WDR7: variants seen among roughly 807,000 people sequenced by gnomAD.
WDR7 encodes WD repeat-containing protein 7.
Under a neutral mutation model 169.4 loss-of-function variants are expected in WDR7, and 46 were observed. The ratio of observed to expected loss-of-function variants is 0.27; its 90% CI spans 0.21 to 0.35. The LOEUF is 0.35. Ranked by LOEUF, WDR7 falls within the 10% of genes least tolerant of loss-of-function variation. WDR7 has a pLI of 1.00. For synonymous variants in WDR7, 612 were observed against 666.8 expected (o/e 0.92, Z 1.27); for missense variants, 1,534 against 1,859.3 (o/e 0.83, Z 3.22).
chr18:56,822,857 AGT>A (rs759241651), intron 20 of WDR7, among the ~76,000 whole-genome samples: 1 of 152,196 alleles, frequency 6.6e-6, no homozygotes, highest in Non-Finnish European at 1.5e-5. Flanking sequence ...GAAAAATAAA[AGT>A]GTAAATTTCA....
In WDR7 at chr18:56,663,940, C is replaced by T. The variant is rs570647576; in HGVS notation, c.-19-8557C>T. ...TTTCTTAGGGCTTTTTGGGCCTTCA[C>T]GTGTCTAGGTAGAGGAAAGATGAGA... On this transcript the variant is annotated intron_variant, in intron 1 of 27. Coordinates refer to ENST00000254442, the MANE Select transcript of WDR7 (RefSeq NM_015285.3). Among the ~76,000 whole-genome samples, 6 of 151,658 alleles carry T rather than the reference C, an allele frequency of 4.0e-5. No homozygotes were observed. In the East Asian group the frequency reaches 7.7e-4, roughly 20 times the overall value.
chr18:56,874,864 A>G (rs1175911948), intron 20 of WDR7, among the ~76,000 whole-genome samples: 1 of 150,966 alleles, frequency 6.6e-6, no homozygotes, highest in Non-Finnish European at 1.5e-5. Flanking sequence ...TGCACCAAAC[A>G]TTTTAGGAAT....
intron 14 of WDR7, among the ~76,000 whole-genome samples, chr18:56,755,059 A>C (rs1298431021): frequency 6.7e-6 from 1 of 149,984 alleles, no homozygotes; most frequent in African/African-American, 2.5e-5. Context: ...TTCTCCCTTT[A>C]TGTTTCTTTT....
At chr18:56,889,535 G>C (rs1407066114) in intron 21 of WDR7, among the ~76,000 whole-genome samples, 1 of 152,124 alleles carries the variant, frequency 6.6e-6, no homozygotes, top group Admixed American at 6.5e-5. Flanking sequence ...TAGTACCACT[G>C]AATATATTTA....
At chr18:56,918,512 T>G (rs541205342) in intron 21 of WDR7, among the ~76,000 whole-genome samples, 10 of 152,196 alleles carry the variant, frequency 6.6e-5, no homozygotes, top group Non-Finnish European at 1.2e-4. Flanking sequence ...TCAATTTTTT[T>G]ATTTTGTTTT....
chr18:56,742,943 T>C (rs201127674), intron 14 of WDR7, among the ~76,000 whole-genome samples: 1 of 151,714 alleles, frequency 6.6e-6, no homozygotes, highest in Non-Finnish European at 1.5e-5. Context: ...TTTCAAACTT[T>C]AAAAAAAATT....
chr18:56,847,087 T>C (rs867781226), intron 20 of WDR7, among the ~76,000 whole-genome samples: 1 of 152,138 alleles, frequency 6.6e-6, no homozygotes, highest in African/African-American at 2.4e-5. Flanking sequence ...AAGAGACTTT[T>C]TAAGTGGTTG....
chr18:56,993,601 A>G (rs2047849421), intron 26 of WDR7, among the ~76,000 whole-genome samples: 1 of 152,238 alleles, frequency 6.6e-6, no homozygotes, highest in Non-Finnish European at 1.5e-5. Context: ...CTCCCAGGAT[A>G]GGCCTTTTCA....
chr18:57,012,205 C>T (rs1396601981), intron 26 of WDR7, among the ~76,000 whole-genome samples: 2 of 152,142 alleles, frequency 1.3e-5, no homozygotes, highest in Non-Finnish European at 2.9e-5. Context: ...GTTTCTTCAT[C>T]CTCACTGTGA....
At chr18:57,017,929 C>CA (rs1256842115) in intron 26 of WDR7, among the ~76,000 whole-genome samples, 2 of 152,046 alleles carry the variant, frequency 1.3e-5, no homozygotes, top group East Asian at 3.9e-4. Flanking sequence ...CAGAGGAAGA[C>CA]AAAAAATGGA....
chr18:56,778,763 T>C (rs942161152), intron 17 of WDR7, among the ~76,000 whole-genome samples: 1 of 152,228 alleles, frequency 6.6e-6, no homozygotes, highest in African/African-American at 2.4e-5. Context: ...TGTCATAGAT[T>C]AGGTTTAACA....
intron 23 of WDR7, 131 bp downstream of exon 23, chr18:56,936,036 C>T (rs2046956571): frequency 1.5e-5 from 12 of 805,612 alleles, no homozygotes; most frequent in Non-Finnish European, 2.1e-5. Flanking sequence ...TAATTTAGTA[C>T]TGAAATGAAC....
intron 1 of WDR7, among the ~76,000 whole-genome samples, chr18:56,655,165 T>C (rs540467490): frequency 2.7e-4 from 41 of 152,306 alleles, no homozygotes; most frequent in African/African-American, 9.9e-4. Context: ...TTTCCTCCAG[T>C]GGTTACATTT....
intron 14 of WDR7, among the ~76,000 whole-genome samples, chr18:56,732,481 T>A (rs936630697): frequency 1.1e-4 from 16 of 152,130 alleles, no homozygotes; most frequent in African/African-American, 3.9e-4. Context: ...AGTAAAGGGG[T>A]TGAAAGGCTC....
intron 26 of WDR7, among the ~76,000 whole-genome samples, chr18:57,016,100 C>A (rs956188396): frequency 6.6e-6 from 1 of 152,100 alleles, no homozygotes; most frequent in African/African-American, 2.4e-5. Flanking sequence ...CTGGGGAGGA[C>A]GTATTTCGGC....
At chr18:56,667,946 A>G (rs2025057447) in intron 1 of WDR7, among the ~76,000 whole-genome samples, 1 of 152,192 alleles carries the variant, frequency 6.6e-6, no homozygotes, top group South Asian at 2.1e-4. Context: ...AGCTTGAAAG[A>G]GTGGTGGTGG....
chr18:56,691,703 TC>T lies in WDR7; in HGVS notation c.864-9del. ...GTATTTTAATTGAATATTGTATTTTTCCCATATTCAGTTGCCTTCCAGCTAG... is the reference window on the plus strand; with the variant it reads ...GTATTTTAATTGAATATTGTATTTTTCCATATTCAGTTGCCTTCCAGCTAG... On this transcript the variant is annotated splice_polypyrimidine_tract_variant and intron_variant, in intron 8 of 27. Coordinates refer to ENST00000254442, the MANE Select transcript of WDR7 (RefSeq NM_015285.3). The T allele has an allele frequency of 6.2e-7, 1 of 1,600,376 alleles. No individual in the cohort carries two copies. The highest frequency in any genetic ancestry group is 8.5e-7 in the Non-Finnish European group (1 of 1,175,022).
chr18:56,855,096 G>T (rs952750092), intron 20 of WDR7, among the ~76,000 whole-genome samples: 3 of 152,098 alleles, frequency 2.0e-5, no homozygotes, highest in Admixed American at 1.3e-4. Context: ...TCCAACGCTT[G>T]ACATTTAAAA....
rs568844006 is a variant in WDR7, at chr18:56,869,714, A to G, written c.3305-10230A>G. 4.7e-4 allele frequency among the ~76,000 whole-genome samples: 71 copies of G among 152,310 alleles called. 1 individual carries two copies. The highest frequency in any genetic ancestry group is 1.8e-3 in the Admixed American group (28 of 15,290). ...CTTGATAGGAGGCAAAGAAGAAGAC[A>G]CAGAAAACTTAAAAACTTTATTTTA... On this transcript the variant is annotated intron_variant, in intron 20 of 27. Coordinates refer to ENST00000254442, the MANE Select transcript of WDR7 (RefSeq NM_015285.3).
Sources: gnomAD v4.1 joint callset for allele counts (sites outside exome capture counted in the v4.1 genomes callset) on GRCh38, gnomAD v4.1.1 for gene constraint, MANE v1.5 for transcripts, NCBI Gene and HGNC (gene_info 2026-07-23, HGNC 2026-07-21) for gene names.